The following CYFIP1 variants were observed in gnomAD, a reference collection of about 807,000 sequenced individuals.
The protein encoded by CYFIP1 is cytoplasmic FMR1 interacting protein 1.
A neutral mutation model predicts 163.5 loss-of-function variants in CYFIP1; 58 were observed. The observed-to-expected ratio is 0.35, with a 90% CI of 0.29 to 0.44. The LOEUF (loss-of-function observed/expected upper bound fraction) is 0.44. Among genes scored for constraint, CYFIP1 ranks in the 20% least tolerant of loss-of-function variants. The probability of loss-of-function intolerance (pLI) is 1.00; values close to 1 mark genes in which losing one functional copy is unlikely to be tolerated. For missense variants in CYFIP1, 1,338 were observed against 1,653.8 expected, an observed-to-expected ratio of 0.81 and a Z score of 3.31; for synonymous variants, 663 against 660.7, an observed-to-expected ratio of 1.00 and a Z score of -0.05.
intron 17 of CYFIP1, among the ~76,000 whole-genome samples, chr15:22,914,503 T>A (rs558245941): frequency 6.6e-6 from 1 of 152,042 alleles, no homozygotes; most frequent in South Asian, 2.1e-4. Context: ...CATAGCTCAA[T>A]GCAGCCACAA....
chr15:22,894,523 C>CAAGT (rs1324169996), intron 22 of CYFIP1, among the ~76,000 whole-genome samples: 1 of 151,472 alleles, frequency 6.6e-6, no homozygotes, highest in East Asian at 1.9e-4. Flanking sequence ...CTCCTGACTT[C>CAAGT]AAGTGATCCG....
chr15:22,906,965 A>C (rs1318203256), intron 21 of CYFIP1, among the ~76,000 whole-genome samples: 1 of 152,216 alleles, frequency 6.6e-6, no homozygotes, highest in African/African-American at 2.4e-5. Context: ...AAGTGAAATA[A>C]GCTCTCTCAT....
chr15:22,959,267 C>A (rs1219870088), intron 1 of CYFIP1, among the ~76,000 whole-genome samples: 1 of 151,206 alleles, frequency 6.6e-6, no homozygotes, highest in Non-Finnish European at 1.5e-5. Context: ...CTTCATCTTT[C>A]ACCCGAATCC....
intron 30 of CYFIP1, among the ~76,000 whole-genome samples, chr15:22,871,619 AG>A: frequency 6.6e-6 from 1 of 152,278 alleles, no homozygotes; most frequent in East Asian, 1.9e-4. Flanking sequence ...ACTGTAGAAC[AG>A]GGAGAGTATC....
Position 22,879,828 on chromosome 15 carries a change from C to T in CYFIP1, c.3042+85G>A, listed in dbSNP as rs1217055554. 10 of 1,065,992 alleles carry T rather than the reference C, an allele frequency of 9.4e-6. No homozygotes were observed. In the Admixed American group the frequency reaches 2.3e-4, roughly 24 times the overall value. 66.0% of individuals were successfully genotyped at this position (1,065,992 alleles called of 1,614,324 possible). ...CTGTTGCCACACCCCCACTAAAGAA[C>T]CCGCCAAAGAAAGCCCTCCCCTGGC... is the stretch of plus-strand genomic sequence containing the variant. On this transcript the variant is annotated intron_variant, in intron 26 of 30. Transcript: ENST00000617928.
chr15:22,911,777 A>G (rs1207880879), intron 18 of CYFIP1, among the ~76,000 whole-genome samples: 1 of 152,210 alleles, frequency 6.6e-6, no homozygotes, highest in East Asian at 1.9e-4. Context: ...ATGTGCATAC[A>G]CTAACCTGAG....
intron 1 of CYFIP1, among the ~76,000 whole-genome samples, chr15:22,976,070 A>T (rs1005381111): frequency 1.3e-5 from 2 of 152,182 alleles, no homozygotes; most frequent in African/African-American, 4.8e-5. Context: ...TCTCATCTTC[A>T]GCATACAGAT....
At chr15:22,919,646 G>C (rs753208422) in intron 13 of CYFIP1, among the ~76,000 whole-genome samples, 13 of 152,126 alleles carry the variant, frequency 8.5e-5, no homozygotes, top group Non-Finnish European at 1.9e-4. Flanking sequence ...ACATTTAATA[G>C]CACCAGTGAA....
chr15:22,897,074 G>A (rs140786746), intron 22 of CYFIP1, among the ~76,000 whole-genome samples: 1,907 of 152,096 alleles, frequency 0.013, 38 homozygotes, highest in African/African-American at 0.043. Flanking sequence ...TTAGCCAGGC[G>A]TGGTGGCACA....
In CYFIP1 at chr15:22,947,214, G is replaced by C; in HGVS notation, c.72C>G (p.Asp24Glu). 2 of 1,614,056 alleles carry C rather than the reference G, an allele frequency of 1.2e-6. No individual in the cohort carries two copies. Among genetic ancestry groups the C allele is most frequent in the Non-Finnish European group, 1.7e-6 (2 of 1,179,980 alleles). Residue 24 changes from aspartate (D) to glutamate (E), a missense_variant, in exon 2 of 31, where the codon GAC becomes GAG. Physicochemically the swap from Asp to Glu is conservative, Grantham distance 45 (BLOSUM62 2). Transcript: ENST00000617928. The part of the protein sequence containing the change: ...VDLLEELPLP[D>E]QQPCIEPPPS... Reference sequence around the variant, plus strand: ...GCGGGGGCTCGATGCAGGGCTGCTGGTCGGGCAGGGGCAGCTCCTCCAGGA... The same window carrying C: ...GCGGGGGCTCGATGCAGGGCTGCTGCTCGGGCAGGGGCAGCTCCTCCAGGA...
rs146179447 is a variant in CYFIP1, at chr15:22,941,183, G to A, written c.570-1676C>T. Among the ~76,000 whole-genome samples the A allele has an allele frequency of 4.2e-3, 635 of 152,230 alleles. 4 individuals carry two copies. Among genetic ancestry groups the A allele is most frequent in the African/African-American group, 0.015 (611 of 41,550 alleles). On this transcript the variant is annotated intron_variant, in intron 6 of 30. Transcript: ENST00000617928. Reference sequence around the variant, plus strand: ...TGATTCTCCAACCTCAGCGTCCCAAGTAGCTGGGACCACAGGTGCATGCCA... The same window carrying A: ...TGATTCTCCAACCTCAGCGTCCCAAATAGCTGGGACCACAGGTGCATGCCA...
At chr15:22,932,165 T>A in intron 11 of CYFIP1, 58 bp downstream of exon 11, 1 of 1,261,052 alleles carries the variant, frequency 7.9e-7, no homozygotes, top group Non-Finnish European at 1.1e-6. Flanking sequence ...AAGATTTGGG[T>A]GCAAACACAC....
rs1398250968 is a variant in CYFIP1, at chr15:22,868,199, G to GTT, written c.*1827_*1828dup. 1.3e-5 allele frequency: 2 copies of GTT among 152,154 alleles called. No individual in the cohort carries two copies. Among genetic ancestry groups the GTT allele is most frequent in the African/African-American group, 4.8e-5 (2 of 41,416 alleles). The allele number at this position is 152,154 out of a possible 1,614,324, so 9.4% of individuals were successfully genotyped here. On this transcript the variant is annotated 3_prime_UTR_variant, in exon 31 of 31. Coordinates refer to ENST00000617928, the MANE Select transcript of CYFIP1 (RefSeq NM_014608.6). Reference sequence around the variant, plus strand: ...TTTATTATTGGCCTTCTAAGGAGCTGTTTTAGATGTTTTTTCTAACTGCCT... The same window carrying GTT: ...TTTATTATTGGCCTTCTAAGGAGCTGTTTTTTAGATGTTTTTTCTAACTGCCT...
intron 21 of CYFIP1, among the ~76,000 whole-genome samples, chr15:22,908,627 C>T (rs1641383504): frequency 7.4e-6 from 1 of 135,424 alleles, no homozygotes; most frequent in South Asian, 2.5e-4. Flanking sequence ...CTCCTGGATT[C>T]AAGCGATTCT....
chr15:22,951,576 C>T lies in CYFIP1; in HGVS notation c.-6-4285G>A, dbSNP rs542400779. ...AGAGTCCCGCAGTCTGCCCTTTCTG[C>T]GGCCTGAACCCAGATAGTGCCAGGA... On this transcript the variant is annotated intron_variant, in intron 1 of 30. Coordinates refer to ENST00000617928, the MANE Select transcript of CYFIP1 (RefSeq NM_014608.6). 100 of 1,282,856 alleles carry T rather than the reference C, an allele frequency of 7.8e-5. 1 individual carries two copies. The South Asian group carries it at 1.1e-3, about 14-fold the overall frequency. The allele number at this position is 1,282,856 out of a possible 1,614,324, so 79.5% of individuals were successfully genotyped here. A position where few individuals can be genotyped will look rare whatever the true frequency, so the allele number is the denominator to read the frequency against.
intron 1 of CYFIP1, 109 bp downstream of exon 1, chr15:22,980,178 G>GT (rs1349950823): frequency 0.032 from 265 of 8,208 alleles, 8 homozygotes; most frequent in African/African-American, 0.053. Context: ...TTGGGGGGGA[G>GT]GGGGGGGTCC....
chr15:22,922,776 G>A (rs1595609885), intron 13 of CYFIP1, among the ~76,000 whole-genome samples: 4 of 152,336 alleles, frequency 2.6e-5, no homozygotes, highest in Admixed American at 2.6e-4. Context: ...TAGATCACCT[G>A]AGGTGAGGGG....
At chr15:22,980,247 G>C (rs1377619697) in intron 1 of CYFIP1, 40 bp downstream of exon 1, 3 of 151,608 alleles carry the variant, frequency 2.0e-5, no homozygotes, top group African/African-American at 7.3e-5. Flanking sequence ...CGGACCCCGC[G>C]GAGGCCGCAG....
At chr15:22,934,500 T>A (rs1299525563) in intron 9 of CYFIP1, among the ~76,000 whole-genome samples, 19 of 116,446 alleles carry the variant, frequency 1.6e-4, no homozygotes, top group African/African-American at 5.4e-4. Flanking sequence ...TTTTTTTTTT[T>A]TTTTTTTTTT....
Sources: gnomAD v4.1 joint callset for allele counts (sites outside exome capture counted in the v4.1 genomes callset) on GRCh38, gnomAD v4.1.1 for gene constraint, MANE v1.5 for transcripts, NCBI Gene and HGNC (gene_info 2026-07-23, HGNC 2026-07-21) for gene names.